TSPAN15: variants seen among roughly 807,000 people sequenced by gnomAD.
The protein encoded by TSPAN15 is tetraspanin-15.
TSPAN15 carries 20 observed loss-of-function variants against 34.5 expected under a neutral mutation model. That is an observed-to-expected ratio of 0.58 (90% CI 0.41 to 0.84). The LOEUF is 0.84. TSPAN15 is among the 40% of genes least tolerant of loss of function. The probability of loss-of-function intolerance (pLI) is 0.00; values close to 1 mark genes in which losing one functional copy is unlikely to be tolerated. For synonymous variants in TSPAN15, 155 were observed against 153.9 expected (o/e 1.01, Z -0.05); for missense variants, 313 against 386.1 (o/e 0.81, Z 1.59).
downstream of TSPAN15, among the ~76,000 whole-genome samples, chr10:69,508,165 C>T (rs919558495): frequency 6.6e-6 from 1 of 151,998 alleles, no homozygotes; most frequent in Admixed American, 6.5e-5. Context: ...AGCAAGAGGC[C>T]GGGCATGGTG....
At chr10:69,539,439 AAGG>A in the TSPAN15 span, among the ~76,000 whole-genome samples, 37 of 112,772 alleles carry the variant, frequency 3.3e-4, 1 homozygote, top group East Asian at 1.2e-3. Context: ...GAAGAAGAAG[AAGG>A]AAGAAGAAGA....
chr10:69,487,370 C>A (rs1358830032), intron 3 of TSPAN15, among the ~76,000 whole-genome samples: 4 of 151,788 alleles, frequency 2.6e-5, no homozygotes, highest in Admixed American at 1.3e-4. Context: ...GACTTGCTAC[C>A]TGCCCCTCCC....
At chr10:69,525,542 C>G in the TSPAN15 span, among the ~76,000 whole-genome samples, 1 of 146,216 alleles carries the variant, frequency 6.8e-6, no homozygotes, top group African/African-American at 2.5e-5. Flanking sequence ...TCAACCTGGC[C>G]AGGCACAGTG....
At chr10:69,519,985 G>A in the TSPAN15 span, among the ~76,000 whole-genome samples, 1 of 152,176 alleles carries the variant, frequency 6.6e-6, no homozygotes, top group Admixed American at 6.5e-5. Flanking sequence ...GCCCGCTTTG[G>A]CCTCCCAAAG....
the TSPAN15 span, among the ~76,000 whole-genome samples, chr10:69,542,735 A>G: frequency 6.6e-6 from 1 of 152,238 alleles, no homozygotes; most frequent in Non-Finnish European, 1.5e-5. Flanking sequence ...CGAGAACAGC[A>G]TGGAGATAAC....
chr10:69,466,899 G>C (rs35038435), intron 1 of TSPAN15, among the ~76,000 whole-genome samples: 1 of 152,120 alleles, frequency 6.6e-6, no homozygotes, highest in African/African-American at 2.4e-5. Flanking sequence ...GGCAGTTGGC[G>C]CTCTGAGGGA....
At chr10:69,465,127 T>C (rs1841355931) in intron 1 of TSPAN15, among the ~76,000 whole-genome samples, 2 of 152,212 alleles carry the variant, frequency 1.3e-5, no homozygotes, top group African/African-American at 4.8e-5. Flanking sequence ...GCAGACATTC[T>C]GTGATCTGGG....
At chr10:69,533,610 C>G in the TSPAN15 span, among the ~76,000 whole-genome samples, 1 of 152,062 alleles carries the variant, frequency 6.6e-6, no homozygotes, top group African/African-American at 2.4e-5. Context: ...CAAATCCCCA[C>G]TAAATAACTT....
chr10:69,526,786 CAAAAAAAAAAAA>C, the TSPAN15 span, among the ~76,000 whole-genome samples: 8 of 60,982 alleles, frequency 1.3e-4, no homozygotes, highest in Non-Finnish European at 2.4e-4. Flanking sequence ...GACCCTGTCT[CAAAAAAAAAAAA>C]AAAAAAAAAA....
chr10:69,504,499 A>G lies in TSPAN15; in HGVS notation c.618+14A>G. On this transcript the variant is annotated intron_variant, in intron 6 of 7. Coordinates refer to ENST00000373290, the MANE Select transcript of TSPAN15 (RefSeq NM_012339.5). ...ATCGACAAGGAGGTAATGTCTTTGAAATGCCTTTCCCTGGAAATGTTGCTC... is the reference window on the plus strand; with the variant it reads ...ATCGACAAGGAGGTAATGTCTTTGAGATGCCTTTCCCTGGAAATGTTGCTC... The G allele has an allele frequency of 1.9e-6, 3 of 1,613,892 alleles. No individual in the cohort carries two copies. Among genetic ancestry groups the G allele is most frequent in the Non-Finnish European group, 2.5e-6 (3 of 1,179,794 alleles).
chr10:69,541,593 T>C, the TSPAN15 span, among the ~76,000 whole-genome samples: 1 of 152,238 alleles, frequency 6.6e-6, no homozygotes, highest in Non-Finnish European at 1.5e-5. Flanking sequence ...CCTTCCTCAG[T>C]GTCCTAGCAG....
chr10:69,508,300 G>A (rs112032825), downstream of TSPAN15, among the ~76,000 whole-genome samples: 1,210 of 151,942 alleles, frequency 8.0e-3, 16 homozygotes, highest in African/African-American at 0.027. Flanking sequence ...AATTAGCCGG[G>A]CATGGTGGTG....
chr10:69,454,936 G>T (rs151175574), intron 1 of TSPAN15, among the ~76,000 whole-genome samples: 1 of 152,118 alleles, frequency 6.6e-6, no homozygotes, highest in African/African-American at 2.4e-5. Flanking sequence ...AGGCTGAGGC[G>T]GGCGGATCGT....
Position 69,507,631 on chromosome 10 carries a change from TAATC to T in TSPAN15, c.*656_*659del. 3.1e-6 allele frequency: 4 copies of T among 1,282,316 alleles called. No individual in the cohort carries two copies. Among genetic ancestry groups the T allele is most frequent in the African/African-American group, 3.1e-5 (2 of 64,402 alleles). The allele number at this position is 1,282,316 out of a possible 1,614,324, so 79.4% of individuals were successfully genotyped here. A position where few individuals can be genotyped will look rare whatever the true frequency, so the allele number is the denominator to read the frequency against. The stretch of plus-strand genomic sequence containing the variant: ...CTTGCCCTTCCCCCAACCAGTTTGT[TAATC>T]AAACAATAAAAACATGTTTTTTTTT... On this transcript the variant is annotated 3_prime_UTR_variant, in exon 8 of 8. Coordinates refer to ENST00000373290, the MANE Select transcript of TSPAN15 (RefSeq NM_012339.5).
At chr10:69,488,538 A>G (rs1301942087) in intron 3 of TSPAN15, among the ~76,000 whole-genome samples, 1 of 152,212 alleles carries the variant, frequency 6.6e-6, no homozygotes. Context: ...CCAATATTTC[A>G]CCATAGGTTC....
At chr10:69,470,641 A>G (rs1841485238) in intron 1 of TSPAN15, among the ~76,000 whole-genome samples, 2 of 152,158 alleles carry the variant, frequency 1.3e-5, no homozygotes, top group Admixed American at 1.3e-4. Flanking sequence ...GGCAAGTGCT[A>G]CTTGGGAGGC....
At chr10:69,474,078 C>T (rs1841562549) in intron 1 of TSPAN15, among the ~76,000 whole-genome samples, 1 of 152,138 alleles carries the variant, frequency 6.6e-6, no homozygotes, top group Non-Finnish European at 1.5e-5. Flanking sequence ...AGCCAGGTGT[C>T]CCCTGGGAGC....
intron 1 of TSPAN15, among the ~76,000 whole-genome samples, chr10:69,480,557 G>A (rs1358129722): frequency 6.6e-6 from 1 of 152,134 alleles, no homozygotes; most frequent in South Asian, 2.1e-4. Flanking sequence ...CATGCTCTAT[G>A]GGGTTCTTAT....
At chr10:69,513,467 A>G in the TSPAN15 span, among the ~76,000 whole-genome samples, 21 of 152,030 alleles carry the variant, frequency 1.4e-4, no homozygotes, top group Non-Finnish European at 4.4e-5. Flanking sequence ...TCAGCCTCCT[A>G]AAGTGCTGGG....
Sources: allele counts gnomAD v4.1 joint callset (sites outside exome capture counted in the v4.1 genomes callset), GRCh38; gene constraint gnomAD v4.1.1; transcripts MANE v1.5; gene names NCBI Gene and HGNC (gene_info 2026-07-23, HGNC 2026-07-21).